The following MATN2 variants were observed in gnomAD, a reference collection of about 807,000 sequenced individuals.
The protein encoded by MATN2 is matrilin 2, also known as matrilin-2.
In MATN2, 69 loss-of-function variants were observed where a neutral mutation model predicts 103.2. That is an observed-to-expected ratio of 0.67 (90% confidence interval 0.55 to 0.82). MATN2 has a LOEUF of 0.82. MATN2 is among the 40% of genes least tolerant of loss of function. MATN2 has a pLI of 0.00. For missense variants in MATN2, 1,023 were observed against 1,211.5 expected (o/e 0.84, Z 2.31); for synonymous variants, 429 against 450.2 (o/e 0.95, Z 0.60).
At chr8:98,003,613 T>C in intron 7 of MATN2, 48 bp from the exon 8 acceptor site, 1 of 1,610,982 alleles carries the variant, frequency 6.2e-7, no homozygotes, top group Non-Finnish European at 8.5e-7. Context: ...CCATCAGCCC[T>C]GGGAGAGGTC....
intron 16 of MATN2, among the ~76,000 whole-genome samples, 183 bp downstream of exon 16, chr8:98,032,500 G>A (rs1274004436): frequency 1.3e-5 from 2 of 152,026 alleles, no homozygotes; most frequent in Non-Finnish European, 2.9e-5. Flanking sequence ...AACTAGCATC[G>A]TTTCAGGTGA....
chr8:97,889,151 C>T (rs965079191), intron 2 of MATN2, among the ~76,000 whole-genome samples: 1 of 151,826 alleles, frequency 6.6e-6, no homozygotes, highest in Non-Finnish European at 1.5e-5. Context: ...CGAATCTGAC[C>T]CCCTGCAAAG....
chr8:98,008,941 GC>G (rs145483963), intron 10 of MATN2, among the ~76,000 whole-genome samples: 3,794 of 152,196 alleles, frequency 0.025, 155 homozygotes, highest in African/African-American at 0.086. Flanking sequence ...TGAATCAGGT[GC>G]CCCTTCCTCT....
At chr8:97,962,295 T>G (rs1264609349) in intron 5 of MATN2, among the ~76,000 whole-genome samples, 1 of 152,276 alleles carries the variant, frequency 6.6e-6, no homozygotes, top group Non-Finnish European at 1.5e-5. Context: ...AATTTTCTGC[T>G]AAATCCTGCA....
intron 2 of MATN2, among the ~76,000 whole-genome samples, chr8:97,923,651 G>C (rs1356340359): frequency 1.3e-5 from 2 of 151,978 alleles, no homozygotes; most frequent in African/African-American, 4.8e-5. Context: ...TAGCCTCCCA[G>C]GTTCAAGCGA....
chr8:98,032,674 G>A (rs1448292966), intron 16 of MATN2, among the ~76,000 whole-genome samples: 1 of 152,020 alleles, frequency 6.6e-6, no homozygotes, highest in Non-Finnish European at 1.5e-5. Context: ...TGGAATTACA[G>A]GCACCCACCA....
chr8:97,896,361 C>T (rs1818805760), intron 2 of MATN2, among the ~76,000 whole-genome samples: 1 of 152,210 alleles, frequency 6.6e-6, no homozygotes, highest in Admixed American at 6.5e-5. Flanking sequence ...ATGTGGGAAC[C>T]CTGATGAAAT....
At chr8:97,901,399 C>T (rs976791713) in intron 2 of MATN2, among the ~76,000 whole-genome samples, 12 of 152,004 alleles carry the variant, frequency 7.9e-5, no homozygotes, top group African/African-American at 9.7e-5. Context: ...ATTACAGGCA[C>T]GCACCACCAC....
At chr8:97,984,567 GA>G (rs1812132062) in intron 6 of MATN2, among the ~76,000 whole-genome samples, 1 of 152,192 alleles carries the variant, frequency 6.6e-6, no homozygotes, top group Admixed American at 6.5e-5. Context: ...CTCCTAGAAG[GA>G]GGTTTTTAAA....
intron 2 of MATN2, among the ~76,000 whole-genome samples, chr8:97,909,822 C>T (rs1370766069): frequency 2.3e-4 from 35 of 150,218 alleles, no homozygotes; most frequent in African/African-American, 1.7e-4. Context: ...CTCGCTCTGT[C>T]GCCCCGGCTG....
chr8:97,967,811 C>G (rs1811533940), intron 5 of MATN2, among the ~76,000 whole-genome samples: 1 of 152,216 alleles, frequency 6.6e-6, no homozygotes, highest in African/African-American at 2.4e-5. Context: ...GGTGGTGGCC[C>G]CCTTCTCACA....
At chr8:97,919,716 C>A (rs1314182476) in intron 2 of MATN2, among the ~76,000 whole-genome samples, 1 of 151,850 alleles carries the variant, frequency 6.6e-6, no homozygotes, top group Non-Finnish European at 1.5e-5. Context: ...CATGTACACA[C>A]CAAAGGGAAT....
intron 2 of MATN2, among the ~76,000 whole-genome samples, chr8:97,911,668 C>T (rs1445613612): frequency 5.3e-5 from 8 of 152,082 alleles, no homozygotes; most frequent in Non-Finnish European, 7.4e-5. Context: ...GATCACACCA[C>T]TGTACTCCAG....
chr8:97,961,378 T>C (rs770007745), intron 4 of MATN2, 30 bp from the exon 5 acceptor site: 2 of 1,584,904 alleles, frequency 1.3e-6, no homozygotes, highest in Non-Finnish European at 1.7e-6. Flanking sequence ...GTGCCTGACG[T>C]TGTGTTCTAA....
At chr8:98,003,426 G>A (rs1473282975) in intron 7 of MATN2, among the ~76,000 whole-genome samples, 1 of 152,196 alleles carries the variant, frequency 6.6e-6, no homozygotes, top group African/African-American at 2.4e-5. Context: ...CTCCTCACCA[G>A]AGCCTGAACC....
Position 98,030,627 on chromosome 8 carries a change from A to G in MATN2, c.2509+13A>G, listed in dbSNP as rs376357172. 5 of 1,607,370 alleles carry G rather than the reference A, an allele frequency of 3.1e-6. No homozygotes were observed. Among genetic ancestry groups the G allele is most frequent in the Non-Finnish European group, 4.2e-6 (5 of 1,177,944 alleles). ...GGCATCTGTGAAGGTACTATAGCTT[A>G]CGCCGAAGACCTTAGCAAACAAGGC... On this transcript the variant is annotated intron_variant, in intron 15 of 18. Transcript: ENST00000254898.
intron 2 of MATN2, among the ~76,000 whole-genome samples, chr8:97,898,146 A>G (rs1818873266): frequency 6.6e-6 from 1 of 152,134 alleles, no homozygotes; most frequent in Admixed American, 6.5e-5. Context: ...TGTGTGTGTC[A>G]GGGAGTAGAG....
At chr8:97,996,217 C>T (rs1331346918) in intron 7 of MATN2, among the ~76,000 whole-genome samples, 1 of 152,180 alleles carries the variant, frequency 6.6e-6, no homozygotes, top group Admixed American at 6.5e-5. Flanking sequence ...ATTTTCTTGA[C>T]GTTCTGCATG....
intron 6 of MATN2, among the ~76,000 whole-genome samples, chr8:97,988,465 AAAAT>A (rs58972042): frequency 0.34 from 51,324 of 150,510 alleles, 9,848 homozygotes; most frequent in African/African-American, 0.53. Context: ...ATCTCTACAA[AAAAT>A]AAATAAATTA....
Sources: allele counts gnomAD v4.1 joint callset (sites outside exome capture counted in the v4.1 genomes callset), GRCh38; gene constraint gnomAD v4.1.1; transcripts MANE v1.5; gene names NCBI Gene and HGNC (gene_info 2026-07-23, HGNC 2026-07-21).